Variants in PRR5L observed in about 807,000 individuals in gnomAD.
PRR5L encodes proline rich 5 like.
A neutral mutation model predicts 36.4 loss-of-function variants in PRR5L; 21 were observed. The ratio of observed to expected loss-of-function variants is 0.58; its 90% CI spans 0.41 to 0.83. The LOEUF is 0.83. Among genes scored for constraint, PRR5L ranks in the 40% least tolerant of loss-of-function variants. The probability of loss-of-function intolerance (pLI) is 0.00; values close to 1 mark genes in which losing one functional copy is unlikely to be tolerated. For missense variants in PRR5L, 381 were observed against 473.3 expected, an observed-to-expected ratio of 0.80 and a Z score of 1.81; for synonymous variants, 188 against 197.0, an observed-to-expected ratio of 0.95 and a Z score of 0.38.
intron 3 of PRR5L, among the ~76,000 whole-genome samples, chr11:36,404,055 G>C (rs1025746463): frequency 6.6e-6 from 1 of 152,204 alleles, no homozygotes; most frequent in African/African-American, 2.4e-5. Flanking sequence ...AATTACCTAG[G>C]TGAACAGGGC....
At chr11:36,327,247 G>A (rs990699251) in intron 1 of PRR5L, among the ~76,000 whole-genome samples, 3 of 152,168 alleles carry the variant, frequency 2.0e-5, no homozygotes, top group Non-Finnish European at 4.4e-5. Flanking sequence ...TCGGCCAAGG[G>A]GATTCCAGGG....
chr11:36,355,407 TGAACTA>T (rs1246368817), intron 1 of PRR5L, among the ~76,000 whole-genome samples: 1 of 152,212 alleles, frequency 6.6e-6, no homozygotes, highest in African/African-American at 2.4e-5. Flanking sequence ...CAAGACTCTG[TGAACTA>T]GTTAGTGTTA....
At chr11:36,407,164 C>T (rs1000153635) in intron 3 of PRR5L, among the ~76,000 whole-genome samples, 35 of 145,986 alleles carry the variant, frequency 2.4e-4, no homozygotes, top group African/African-American at 6.9e-4. Flanking sequence ...CACAGGCCAA[C>T]GTGATGAATT....
intron 5 of PRR5L, among the ~76,000 whole-genome samples, chr11:36,437,079 G>C (rs1336204269): frequency 2.6e-5 from 4 of 152,156 alleles, no homozygotes. Flanking sequence ...CTCCCATTCA[G>C]AGTCTTACTA....
intron 7 of PRR5L, among the ~76,000 whole-genome samples, chr11:36,449,411 C>T (rs919404607): frequency 2.6e-5 from 4 of 152,232 alleles, no homozygotes; most frequent in Admixed American, 6.5e-5. Flanking sequence ...TCTTTTCTGT[C>T]GCTCTTCCAC....
chr11:36,397,371 T>C (rs1857684493), intron 1 of PRR5L, among the ~76,000 whole-genome samples: 1 of 150,150 alleles, frequency 6.7e-6, no homozygotes, highest in Admixed American at 6.6e-5. Flanking sequence ...GCTCAACTGG[T>C]ATTTTGTGAG....
chr11:36,318,639 G>C (rs1856582130), intron 1 of PRR5L, among the ~76,000 whole-genome samples: 1 of 152,198 alleles, frequency 6.6e-6, no homozygotes, highest in Non-Finnish European at 1.5e-5. Context: ...GAAAAGAAAA[G>C]GAGGAAATTT....
In PRR5L at chr11:36,311,870, ATGTT is replaced by A. The variant is rs564367184; in HGVS notation, c.-126+15435_-126+15438del. 4.6e-3 allele frequency among the ~76,000 whole-genome samples: 706 copies of A among 152,334 alleles called. 2 individuals carry two copies. Among genetic ancestry groups the A allele is most frequent in the Non-Finnish European group, 8.2e-3 (558 of 68,040 alleles). ...TAACAAAAGCTTGGAGACCATCTGAATGTTTGGTAATATGGGAAAGATTAAATAT... is the reference window on the plus strand; with the variant it reads ...TAACAAAAGCTTGGAGACCATCTGAATGGTAATATGGGAAAGATTAAATAT... On this transcript the variant is annotated intron_variant, in intron 1 of 8. Coordinates refer to ENST00000530639, the MANE Select transcript of PRR5L (RefSeq NM_001160167.2).
chr11:36,415,208 T>C (rs1026624739), intron 3 of PRR5L, among the ~76,000 whole-genome samples: 7 of 152,120 alleles, frequency 4.6e-5, no homozygotes, highest in Non-Finnish European at 8.8e-5. Flanking sequence ...CTTTTTTGGT[T>C]CCATATGAAC....
intron 1 of PRR5L, among the ~76,000 whole-genome samples, chr11:36,346,049 GA>G (rs1272471301): frequency 6.6e-6 from 1 of 152,030 alleles, no homozygotes; most frequent in Non-Finnish European, 1.5e-5. Flanking sequence ...AGTTTCTTTT[GA>G]AGGATTTATT....
intron 1 of PRR5L, among the ~76,000 whole-genome samples, chr11:36,383,953 C>T (rs1362494575): frequency 1.3e-5 from 2 of 152,094 alleles, no homozygotes; most frequent in Admixed American, 1.3e-4. Context: ...GCCTCGGCCT[C>T]CCCTGTCTTT....
chr11:36,451,564 A>C (rs1364253442), intron 8 of PRR5L, among the ~76,000 whole-genome samples: 2 of 152,152 alleles, frequency 1.3e-5, no homozygotes, highest in Non-Finnish European at 2.9e-5. Context: ...CCAAGGACCG[A>C]TACTGTGCCT....
chr11:36,319,560 C>T (rs779596175), intron 1 of PRR5L, among the ~76,000 whole-genome samples: 7 of 152,136 alleles, frequency 4.6e-5, no homozygotes, highest in Non-Finnish European at 1.0e-4. Context: ...ATGGGTGATA[C>T]ATAAACCAAT....
Position 36,392,211 on chromosome 11 carries a change from C to T in PRR5L, c.-125-8786C>T, listed in dbSNP as rs140770182. On this transcript the variant is annotated intron_variant, in intron 1 of 8. Coordinates refer to ENST00000530639, the MANE Select transcript of PRR5L (RefSeq NM_001160167.2). The stretch of plus-strand genomic sequence containing the variant: ...ATGTACCACATTTTCTTCATCCATT[C>T]GTCTGTTGATGGACACTTAGATTGC... Among the ~76,000 whole-genome samples, 851 of 152,260 alleles carry T rather than the reference C, an allele frequency of 5.6e-3. 6 individuals carry two copies. Among genetic ancestry groups the T allele is most frequent in the African/African-American group, 0.019 (792 of 41,536 alleles).
chr11:36,402,317 A>C (rs6484842), intron 2 of PRR5L, among the ~76,000 whole-genome samples: 34,585 of 152,044 alleles, frequency 0.23, 5,718 homozygotes, highest in African/African-American at 0.48. Flanking sequence ...AATCTTGGCT[A>C]ACTGCAATCT....
intron 1 of PRR5L, among the ~76,000 whole-genome samples, chr11:36,388,969 G>T (rs1201174194): frequency 4.0e-5 from 6 of 151,632 alleles, no homozygotes; most frequent in African/African-American, 1.2e-4. Flanking sequence ...AAAGTGCTGG[G>T]ATTACAGGCG....
At chr11:36,370,443 G>A (rs556007856) in intron 1 of PRR5L, among the ~76,000 whole-genome samples, 62 of 152,182 alleles carry the variant, frequency 4.1e-4, no homozygotes, top group African/African-American at 1.5e-3. Context: ...TGTAATGTTT[G>A]TCTTCTGCTC....
At chr11:36,307,393 A>C (rs1208340562) in intron 1 of PRR5L, among the ~76,000 whole-genome samples, 5 of 152,222 alleles carry the variant, frequency 3.3e-5, no homozygotes, top group Non-Finnish European at 7.3e-5. Context: ...AAGAGTCATC[A>C]ACAAGGATAT....
intron 3 of PRR5L, 33 bp downstream of exon 3, chr11:36,403,411 C>G (rs779527583): frequency 6.3e-7 from 1 of 1,585,016 alleles, no homozygotes; most frequent in East Asian, 2.2e-5. Flanking sequence ...TGCCATTTTC[C>G]CCTATAAACC....
Sources: allele counts gnomAD v4.1 joint callset (sites outside exome capture counted in the v4.1 genomes callset), GRCh38; gene constraint gnomAD v4.1.1; transcripts MANE v1.5; gene names NCBI Gene and HGNC (gene_info 2026-07-23, HGNC 2026-07-21).